ELAVL3: variants seen among roughly 807,000 people sequenced by gnomAD.
ELAVL3 encodes ELAV like RNA binding protein 3.
Under a neutral mutation model 34.2 loss-of-function variants are expected in ELAVL3, and 8 were observed. That is an observed-to-expected ratio of 0.23 (90% confidence interval 0.14 to 0.42). The LOEUF (loss-of-function observed/expected upper bound fraction) is 0.42, where lower values mean the gene tolerates loss of function less well. Among genes scored for constraint, ELAVL3 ranks in the 10% least tolerant of loss-of-function variants. ELAVL3 has a pLI of 1.00. For missense variants in ELAVL3, 273 were observed against 518.8 expected (o/e 0.53, Z 4.60); for synonymous variants, 209 against 222.1 (o/e 0.94, Z 0.53).
chr19:11,471,309 CAA>C (rs200546282), intron 1 of ELAVL3, among the ~76,000 whole-genome samples: 1 of 132,958 alleles, frequency 7.5e-6, no homozygotes, highest in Non-Finnish European at 1.6e-5. Flanking sequence ...GACTCCATCT[CAA>C]AAAAAAAAAT....
Position 11,453,830 on chromosome 19 carries a change from T to G in ELAVL3, c.*696A>C, listed in dbSNP as rs1354508669. On this transcript the variant is annotated 3_prime_UTR_variant, in exon 7 of 7. Coordinates refer to ENST00000359227, the MANE Select transcript of ELAVL3 (RefSeq NM_001420.4). ...TGGTAAACATAACCTGCCAAAATATTTTCTTTTTTTTTTTTTGTCTTTTTT... is the reference window on the plus strand; with the variant it reads ...TGGTAAACATAACCTGCCAAAATATGTTCTTTTTTTTTTTTTGTCTTTTTT... 4.2e-5 allele frequency: 6 copies of G among 143,776 alleles called. No individual in the cohort carries two copies. Among genetic ancestry groups the G allele is most frequent in the Non-Finnish European group, 9.1e-5 (6 of 65,616 alleles). The allele number at this position is 143,776 out of a possible 1,614,324, so 8.9% of individuals were successfully genotyped here.
chr19:11,463,845 T>C (rs1036673481), intron 3 of ELAVL3, among the ~76,000 whole-genome samples: 1 of 151,804 alleles, frequency 6.6e-6, no homozygotes, highest in African/African-American at 2.4e-5. Context: ...GGCGGGTGCC[T>C]GTAATCCCAG....
Position 11,458,701 on chromosome 19 carries a change from T to G in ELAVL3, c.334-90A>C. 1.4e-5 allele frequency: 21 copies of G among 1,518,854 alleles called. No homozygotes were observed. Among genetic ancestry groups the G allele is most frequent in the Non-Finnish European group, 1.7e-5 (19 of 1,118,652 alleles). 94.1% of individuals were successfully genotyped at this position (1,518,854 alleles called of 1,614,324 possible). A position where few individuals can be genotyped will look rare whatever the true frequency, so the allele number is the denominator to read the frequency against. The stretch of plus-strand genomic sequence containing the variant: ...GGCCATGTCTAAACCATCACGGAGT[T>G]AGCAGAAGTGACCCATCCGTCACTC... On this transcript the variant is annotated intron_variant, in intron 3 of 6. Coordinates refer to ENST00000359227, the MANE Select transcript of ELAVL3 (RefSeq NM_001420.4). The surrounding 1 kb of genome is among the most constrained non-coding windows in gnomAD (Gnocchi z 7.3).
chr19:11,473,982 T>A (rs997140479), intron 1 of ELAVL3, among the ~76,000 whole-genome samples: 4 of 152,176 alleles, frequency 2.6e-5, no homozygotes, highest in Non-Finnish European at 5.9e-5. Context: ...TCATGGGAAT[T>A]AAAAGCAGGC....
chr19:11,457,218 G>GGCCCCCCCCCCC, intron 5 of ELAVL3, 70 bp from the exon 6 acceptor site: 2 of 1,468,674 alleles, frequency 1.4e-6, no homozygotes, highest in East Asian at 2.7e-5. Flanking sequence ...CCGTCGGCCT[G>GGCCCCCCCCCCC]CCCTCCCCAC....
Position 11,454,453 on chromosome 19 carries a change from C to G in ELAVL3, c.*73G>C, listed in dbSNP as rs1347107089. The G allele has an allele frequency of 1.6e-5, 20 of 1,281,944 alleles. No homozygotes were observed. The highest frequency in any genetic ancestry group is 2.0e-5 in the Non-Finnish European group (19 of 956,118). The allele number at this position is 1,281,944 out of a possible 1,614,324, so 79.4% of individuals were successfully genotyped here. A position where few individuals can be genotyped will look rare whatever the true frequency, so the allele number is the denominator to read the frequency against. On this transcript the variant is annotated 3_prime_UTR_variant, in exon 7 of 7. Coordinates refer to ENST00000359227, the MANE Select transcript of ELAVL3 (RefSeq NM_001420.4). The surrounding 1 kb of genome is among the most constrained non-coding windows in gnomAD (Gnocchi z 9.2). ...GTGCTGTCTCTCTTGGGCCCCTTCT[C>G]TCTCTCTCTCTCTCTTTCTCTCTCT...
Position 11,451,338 on chromosome 19 carries a change from A to G in ELAVL3, c.*3188T>C, listed in dbSNP as rs1359126905. 1 of 152,208 alleles carries G rather than the reference A, an allele frequency of 6.6e-6. No homozygotes were observed. Among genetic ancestry groups the G allele is most frequent in the East Asian group, 1.9e-4 (1 of 5,190 alleles). The allele number at this position is 152,208 out of a possible 1,614,324, so 9.4% of individuals were successfully genotyped here. A position where few individuals can be genotyped will look rare whatever the true frequency, so the allele number is the denominator to read the frequency against. On this transcript the variant is annotated 3_prime_UTR_variant, in exon 7 of 7. Coordinates refer to ENST00000359227, the MANE Select transcript of ELAVL3 (RefSeq NM_001420.4). ...ATCACCCAAGGCCTTAAGATTCTGA[A>G]CTTTTATTTTCTGGCATGAAAAGTA... is the stretch of plus-strand genomic sequence containing the variant.
At position 11,479,518 on chromosome 19, in the gene ELAVL3, AGCGGAGTCGCGCGGCAGGG is replaced by A. The variant is rs915380412; in HGVS notation, c.9+1063_9+1081del. Among the ~76,000 whole-genome samples, 41 of 151,568 alleles carry A rather than the reference AGCGGAGTCGCGCGGCAGGG, an allele frequency of 2.7e-4. 1 individual carries two copies. The highest frequency in any genetic ancestry group is 2.5e-3 in the Admixed American group (38 of 15,270). On this transcript the variant is annotated intron_variant, in intron 1 of 6. Coordinates refer to ENST00000359227, the MANE Select transcript of ELAVL3 (RefSeq NM_001420.4). ...ACAAAGGACGCGCGGCGGCGCGGGG[AGCGGAGTCGCGCGGCAGGG>A]GCGGGGGTGGAGCCGGGGTGGGGCT...
At chr19:11,472,324 C>T (rs1458907849) in intron 1 of ELAVL3, among the ~76,000 whole-genome samples, 5 of 151,918 alleles carry the variant, frequency 3.3e-5, no homozygotes, top group African/African-American at 7.3e-5. Flanking sequence ...CCAGCCTGGG[C>T]GAGAGCAAGA....
chr19:11,475,361 T>C (rs926020700), intron 1 of ELAVL3, among the ~76,000 whole-genome samples: 1 of 152,202 alleles, frequency 6.6e-6, no homozygotes, highest in Non-Finnish European at 1.5e-5. Context: ...GCCAATGCCT[T>C]GTCTCGCTAT....
chr19:11,468,237 T>A (rs1971095383), intron 1 of ELAVL3, among the ~76,000 whole-genome samples: 1 of 152,126 alleles, frequency 6.6e-6, no homozygotes, highest in East Asian at 1.9e-4. Flanking sequence ...TGCCTTCATC[T>A]CCCCTTGCCA....
intron 3 of ELAVL3, among the ~76,000 whole-genome samples, chr19:11,462,756 C>T (rs908724685): frequency 4.7e-5 from 7 of 150,002 alleles, no homozygotes; most frequent in Admixed American, 2.0e-4. Flanking sequence ...GTTGGGAGTT[C>T]GAGACCAGCC....
intron 3 of ELAVL3, among the ~76,000 whole-genome samples, chr19:11,462,919 G>T (rs1002990965): frequency 2.0e-5 from 3 of 147,486 alleles, no homozygotes; most frequent in African/African-American, 7.6e-5. Flanking sequence ...CCGAGATCGC[G>T]CTACTGCATT....
In ELAVL3 at chr19:11,466,797, C is replaced by T. The variant is rs201228575; in HGVS notation, c.40G>A (p.Gly14Arg). The change falls in exon 2 of 7, where the codon GGG (glycine) becomes AGG (arginine). Residue 14 changes from glycine (G) to arginine (R), a missense_variant. Gly to Arg is a moderately radical substitution (Grantham distance 125). Coordinates refer to ENST00000359227, the MANE Select transcript of ELAVL3 (RefSeq NM_001420.4). The surrounding 1 kb of genome is among the most constrained non-coding windows in gnomAD (Gnocchi z 5.0). ...AGGGCCGGGCCGGCCGGGCCCCCCC[C>T]CACCTGAGACTCCATGGCCCCCAGT... The part of the protein sequence containing the change: ...QILGAMESQV[G>R]GGPAGPALPN... 16 of 1,611,396 alleles carry T rather than the reference C, an allele frequency of 9.9e-6. No individual in the cohort carries two copies. In the African/African-American group the frequency reaches 1.1e-4, roughly 11 times the overall value.
At chr19:11,460,820 A>C (rs1022490090) in intron 3 of ELAVL3, among the ~76,000 whole-genome samples, 10 of 152,114 alleles carry the variant, frequency 6.6e-5, no homozygotes, top group Non-Finnish European at 4.4e-5. Context: ...ATTATTAATT[A>C]TAGTCCAACC....
intron 1 of ELAVL3, among the ~76,000 whole-genome samples, chr19:11,468,748 G>C (rs931478266): frequency 6.6e-6 from 1 of 152,050 alleles, no homozygotes; most frequent in Admixed American, 6.6e-5. Flanking sequence ...TGTTAAGGGA[G>C]ATGCTTTAAA....
In ELAVL3 at chr19:11,458,091, C is replaced by T; in HGVS notation, c.683G>A (p.Gly228Asp). 2 of 1,613,472 alleles carry T rather than the reference C, an allele frequency of 1.2e-6. No individual in the cohort carries two copies. Among genetic ancestry groups the T allele is most frequent in the Non-Finnish European group, 1.7e-6 (2 of 1,180,034 alleles). Residue 228 changes from glycine to aspartate, a missense_variant, in exon 5 of 7, where the codon GGC becomes GAC. By Grantham distance (94) the Gly-to-Asp change is moderately conservative (BLOSUM62 -1). Coordinates refer to ENST00000359227, the MANE Select transcript of ELAVL3 (RefSeq NM_001420.4). The surrounding 1 kb of genome is among the most constrained non-coding windows in gnomAD (Gnocchi z 7.3). ...ACGCTGGGTCTGATGGTGTAGGGGG[C>T]CTGCGTAGCGCCGGGCGGATGACTG... is the stretch of plus-strand genomic sequence containing the variant. ...LYQSSARRYA[G>D]PLHHQTQRFR...
At chr19:11,475,181 C>T (rs1292915574) in intron 1 of ELAVL3, among the ~76,000 whole-genome samples, 2 of 152,194 alleles carry the variant, frequency 1.3e-5, no homozygotes, top group Non-Finnish European at 2.9e-5. Flanking sequence ...GTGTGCCAGG[C>T]ACTGTGGGAA....
At chr19:11,471,357 G>A (rs1411428368) in intron 1 of ELAVL3, among the ~76,000 whole-genome samples, 4 of 150,874 alleles carry the variant, frequency 2.7e-5, no homozygotes, top group African/African-American at 4.9e-5. Context: ...GCTCATGCCT[G>A]TAATCCCAGC....
Sources: allele counts gnomAD v4.1 joint callset (sites outside exome capture counted in the v4.1 genomes callset), GRCh38; gene constraint gnomAD v4.1.1; non-coding constraint Gnocchi (gnomAD v3.1); transcripts MANE v1.5; gene names NCBI Gene and HGNC (gene_info 2026-07-23, HGNC 2026-07-21).